The following WNK3 variants were observed in gnomAD, a reference collection of about 807,000 sequenced individuals.
WNK3 encodes the protein WNK lysine deficient protein kinase 3, also known as serine/threonine-protein kinase WNK3.
In WNK3, 18 loss-of-function variants were observed where a neutral mutation model predicts 116.7. The ratio of observed to expected loss-of-function variants is 0.15; its 90% CI spans 0.11 to 0.23. The LOEUF (loss-of-function observed/expected upper bound fraction) is 0.23, where lower values mean the gene tolerates loss of function less well. Ranked by LOEUF, WNK3 falls within the 10% of genes least tolerant of loss-of-function variation. The probability of loss-of-function intolerance (pLI) is 1.00; values close to 1 mark genes in which losing one functional copy is unlikely to be tolerated. For missense variants in WNK3, 993 were observed against 1,323.8 expected (o/e 0.75, Z 3.88); for synonymous variants, 404 against 469.4 (o/e 0.86, Z 1.80).
At chrX:54,307,719 A>G (rs1243052187) in intron 5 of WNK3, among the ~76,000 whole-genome samples, 14 of 111,499 alleles carry the variant, frequency 1.3e-4, no homozygotes, top group Admixed American at 1.1e-3. Flanking sequence ...CATTTTCCCA[A>G]AGATACTAAT....
intron 19 of WNK3, among the ~76,000 whole-genome samples, chrX:54,237,946 C>A (rs1197695635): frequency 9.0e-6 from 1 of 111,410 alleles, no homozygotes; most frequent in African/African-American, 3.3e-5. Context: ...AAGTAAGTAT[C>A]ATCGGCCAGG....
At chrX:54,349,733 A>G (rs2069487900) in intron 1 of WNK3, among the ~76,000 whole-genome samples, 1 of 111,453 alleles carries the variant, frequency 9.0e-6, no homozygotes, top group South Asian at 3.8e-4. Flanking sequence ...TGGTTTTAGC[A>G]CAGAAACAGA....
At chrX:54,329,806 C>T (rs1162056593) in intron 2 of WNK3, among the ~76,000 whole-genome samples, 1 of 111,729 alleles carries the variant, frequency 9.0e-6, no homozygotes, top group African/African-American at 3.2e-5. Flanking sequence ...AAATTATTTC[C>T]CTCATTTACA....
chrX:54,326,503 A>G (rs1557173462), intron 2 of WNK3, among the ~76,000 whole-genome samples: 3 of 110,796 alleles, frequency 2.7e-5, no homozygotes, highest in African/African-American at 9.8e-5. Flanking sequence ...CAGGAGTTCA[A>G]GACTAGCCTG....
chrX:54,276,298 G>T lies in WNK3; in HGVS notation c.2037+16590C>A, dbSNP rs782279750. 2.9e-3 allele frequency among the ~76,000 whole-genome samples: 325 copies of T among 110,585 alleles called. 3 individuals carry two copies. Among genetic ancestry groups the T allele is most frequent in the African/African-American group, 0.01 (307 of 30,251 alleles). On this transcript the variant is annotated intron_variant, in intron 10 of 23. Transcript: ENST00000354646. The stretch of plus-strand genomic sequence containing the variant: ...TGCAGTGAGCCAAGATTGTGCCACT[G>T]AACTCCAGCCTAGGTGACAGAGCGA...
At chrX:54,217,978 A>G (rs1435084273) in intron 22 of WNK3, among the ~76,000 whole-genome samples, 2 of 111,920 alleles carry the variant, frequency 1.8e-5, no homozygotes, top group Non-Finnish European at 3.8e-5. Context: ...ACAGGAAAGC[A>G]TGACATATGC....
intron 2 of WNK3, among the ~76,000 whole-genome samples, chrX:54,318,045 T>C (rs2068982988): frequency 9.0e-6 from 1 of 110,535 alleles, no homozygotes; most frequent in Non-Finnish European, 1.9e-5. Flanking sequence ...TTAATGCCAC[T>C]GAAAAACTGC....
chrX:54,313,692 C>T (rs190508313), intron 2 of WNK3, among the ~76,000 whole-genome samples: 33 of 111,076 alleles, frequency 3.0e-4, no homozygotes, highest in African/African-American at 9.8e-4. Context: ...CTAGATCTCT[C>T]CTATGCTGAA....
chrX:54,344,155 A>G (rs2069371202), intron 1 of WNK3, among the ~76,000 whole-genome samples: 1 of 112,673 alleles, frequency 8.9e-6, no homozygotes, highest in Admixed American at 9.5e-5. Context: ...AATTAAAAGC[A>G]AATTCTGGCT....
chrX:54,222,915 A>ATATATATAT (rs1557146885), intron 22 of WNK3, among the ~76,000 whole-genome samples: 1 of 81,020 alleles, frequency 1.2e-5, no homozygotes, highest in African/African-American at 5.8e-5. Context: ...TAATAATAAT[A>ATATATATAT]ATATATATAT....
intron 7 of WNK3, 78 bp from the exon 8 acceptor site, chrX:54,294,925 T>C (rs1288351200): frequency 6.8e-6 from 6 of 886,769 alleles, no homozygotes; most frequent in Non-Finnish European, 9.0e-6. Context: ...TGAGACAGAG[T>C]CTAGCTCTGT....
At chrX:54,216,156 G>C (rs782327294) in intron 22 of WNK3, among the ~76,000 whole-genome samples, 1 of 109,606 alleles carries the variant, frequency 9.1e-6, no homozygotes, top group African/African-American at 3.3e-5. Context: ...GGTGGAAGGC[G>C]GCAGGGCCCT....
chrX:54,289,146 C>T (rs1342553561), intron 10 of WNK3, among the ~76,000 whole-genome samples: 1 of 111,249 alleles, frequency 9.0e-6, no homozygotes, highest in Non-Finnish European at 1.9e-5. Context: ...AAGCAGACTG[C>T]ACGTGAGTCT....
chrX:54,228,250 G>T (rs1434362836), intron 22 of WNK3, among the ~76,000 whole-genome samples: 1 of 111,821 alleles, frequency 8.9e-6, no homozygotes, highest in Non-Finnish European at 1.9e-5. Context: ...ATAGAAAAGG[G>T]ATTTCTTTTT....
At chrX:54,206,463 C>T (rs1557142725) in intron 22 of WNK3, among the ~76,000 whole-genome samples, 1 of 111,821 alleles carries the variant, frequency 8.9e-6, no homozygotes, top group Non-Finnish European at 1.9e-5. Flanking sequence ...CCTGGCATGA[C>T]GATTTGCTTA....
intron 10 of WNK3, among the ~76,000 whole-genome samples, chrX:54,277,821 A>C (rs1007784224): frequency 7.2e-5 from 8 of 111,707 alleles, no homozygotes; most frequent in African/African-American, 2.3e-4. Flanking sequence ...AGCCAGGCAC[A>C]GTGGCTCACA....
chrX:54,240,782 A>G (rs1557151377), intron 17 of WNK3, among the ~76,000 whole-genome samples: 1 of 111,284 alleles, frequency 9.0e-6, no homozygotes, highest in Non-Finnish European at 1.9e-5. Context: ...TGTCTCTTTC[A>G]ATGTTATCTC....
At chrX:54,234,357 G>A (rs1402064240) in intron 20 of WNK3, among the ~76,000 whole-genome samples, 1 of 111,893 alleles carries the variant, frequency 8.9e-6, no homozygotes, top group East Asian at 2.8e-4. Flanking sequence ...GGGTAACATA[G>A]TAAGACTCTG....
chrX:54,202,691 G>GA (rs72453299), intron 22 of WNK3, among the ~76,000 whole-genome samples: 114 of 89,722 alleles, frequency 1.3e-3, no homozygotes, highest in Middle Eastern at 0.012. Flanking sequence ...TCCGTCTCAA[G>GA]AAAAAAAAAA....
Sources: gnomAD v4.1 joint callset for allele counts (sites outside exome capture counted in the v4.1 genomes callset) on GRCh38, gnomAD v4.1.1 for gene constraint, MANE v1.5 for transcripts, NCBI Gene and HGNC (gene_info 2026-07-23, HGNC 2026-07-21) for gene names.